DOCK3: variants seen among roughly 807,000 people sequenced by gnomAD.
DOCK3 encodes the protein dedicator of cytokinesis 3, also known as dedicator of cytokinesis protein 3.
DOCK3 carries 60 observed loss-of-function variants against 265.6 expected under a neutral mutation model. The ratio of observed to expected loss-of-function variants is 0.23; its 90% CI spans 0.18 to 0.28. The LOEUF (loss-of-function observed/expected upper bound fraction) is 0.28. Ranked by LOEUF, DOCK3 falls within the 10% of genes least tolerant of loss-of-function variation. DOCK3 has a pLI of 1.00. For synonymous variants in DOCK3, 881 were observed against 938.0 expected (o/e 0.94, Z 1.11); for missense variants, 1,981 against 2,594.3 (o/e 0.76, Z 5.14).
chr3:50,820,636 C>T (rs766312929), intron 2 of DOCK3, among the ~76,000 whole-genome samples: 2 of 152,076 alleles, frequency 1.3e-5, no homozygotes, highest in Non-Finnish European at 2.9e-5. Flanking sequence ...GATAAACATG[C>T]AAGTACGTGT....
chr3:51,354,431 G>A (rs1347764357), intron 40 of DOCK3, among the ~76,000 whole-genome samples: 1 of 152,148 alleles, frequency 6.6e-6, no homozygotes, highest in Non-Finnish European at 1.5e-5. Context: ...GCTTCTACCA[G>A]TTCTCTACAC....
chr3:51,293,772 C>G (rs572835918), intron 27 of DOCK3, among the ~76,000 whole-genome samples: 1 of 152,206 alleles, frequency 6.6e-6, no homozygotes, highest in Admixed American at 6.5e-5. Context: ...AACAAGACTA[C>G]AAATAACCCT....
chr3:50,909,727 T>C (rs1216098519), intron 4 of DOCK3, among the ~76,000 whole-genome samples: 1 of 148,980 alleles, frequency 6.7e-6, no homozygotes, highest in South Asian at 2.2e-4. Flanking sequence ...AGTATCTTAC[T>C]GAGGTTCTCT....
intron 5 of DOCK3, among the ~76,000 whole-genome samples, chr3:50,964,589 T>C (rs547675398): frequency 4.6e-5 from 7 of 152,114 alleles, no homozygotes; most frequent in Non-Finnish European, 1.0e-4. Context: ...CCAAAAGTGA[T>C]AAAATAAACC....
At chr3:50,950,703 C>G (rs1279816684) in intron 5 of DOCK3, among the ~76,000 whole-genome samples, 4 of 152,158 alleles carry the variant, frequency 2.6e-5, no homozygotes, top group South Asian at 2.1e-4. Flanking sequence ...TGCTGCCTAG[C>G]TTTTGCCTAA....
At chr3:51,117,013 G>C (rs2083771671) in intron 9 of DOCK3, among the ~76,000 whole-genome samples, 2 of 152,180 alleles carry the variant, frequency 1.3e-5, no homozygotes, top group Admixed American at 6.5e-5. Context: ...GATGGGAGTG[G>C]TGAGAGAGGG....
chr3:51,037,259 G>A (rs984667689), intron 5 of DOCK3, among the ~76,000 whole-genome samples: 1 of 152,046 alleles, frequency 6.6e-6, no homozygotes, highest in African/African-American at 2.4e-5. Context: ...GAAGTCTCCT[G>A]TGTTCCCCTT....
intron 49 of DOCK3, among the ~76,000 whole-genome samples, chr3:51,365,743 G>A (rs1322412757): frequency 2.2e-4 from 33 of 152,252 alleles, no homozygotes; most frequent in Non-Finnish European, 4.1e-4. Context: ...TATTGAGATA[G>A]TCATGTGGTT....
intron 1 of DOCK3, among the ~76,000 whole-genome samples, chr3:50,751,269 TTTAAC>T (rs71084109): frequency 0.093 from 14,149 of 151,914 alleles, 771 homozygotes; most frequent in Non-Finnish European, 0.12. Flanking sequence ...TTTTTTTTTT[TTTAAC>T]TTTAAGTTCT....
intron 9 of DOCK3, among the ~76,000 whole-genome samples, chr3:51,100,598 C>G (rs758761339): frequency 4.6e-5 from 7 of 152,102 alleles, no homozygotes; most frequent in Non-Finnish European, 1.0e-4. Flanking sequence ...TTTGACCCAC[C>G]ACAGGAGAAA....
At chr3:51,275,620 T>A (rs1378740960) in intron 25 of DOCK3, among the ~76,000 whole-genome samples, 2 of 152,118 alleles carry the variant, frequency 1.3e-5, no homozygotes, top group Non-Finnish European at 2.9e-5. Flanking sequence ...ACAGCTTGAT[T>A]CCACCCATAT....
chr3:50,790,578 T>A (rs1269441970), intron 2 of DOCK3, among the ~76,000 whole-genome samples: 1 of 151,962 alleles, frequency 6.6e-6, no homozygotes, highest in African/African-American at 2.4e-5. Flanking sequence ...TTTACGAAGC[T>A]TAGTTTTGCT....
chr3:51,034,140 A>G (rs1360328949), intron 5 of DOCK3, among the ~76,000 whole-genome samples: 2 of 152,138 alleles, frequency 1.3e-5, no homozygotes, highest in African/African-American at 4.8e-5. Context: ...TAGTTTTTTC[A>G]TAATATGCAT....
chr3:51,106,952 C>A (rs945865860), intron 9 of DOCK3, among the ~76,000 whole-genome samples: 1 of 152,246 alleles, frequency 6.6e-6, no homozygotes, highest in Admixed American at 6.5e-5. Flanking sequence ...GTTGGCACCA[C>A]CCAGCAGAGT....
chr3:50,812,858 C>T (rs1003869856), intron 2 of DOCK3, among the ~76,000 whole-genome samples: 1 of 152,236 alleles, frequency 6.6e-6, no homozygotes, highest in Non-Finnish European at 1.5e-5. Context: ...CAGGCCCCAA[C>T]TCAGGTATTA....
intron 42 of DOCK3, 43 bp from the exon 43 acceptor site, chr3:51,356,364 A>T: frequency 6.2e-7 from 1 of 1,613,046 alleles, no homozygotes; most frequent in Non-Finnish European, 8.5e-7. Context: ...GGGTGTGGCA[A>T]AACTTGCCTA....
At chr3:50,849,868 G>A (rs1179366186) in intron 3 of DOCK3, among the ~76,000 whole-genome samples, 1 of 152,026 alleles carries the variant, frequency 6.6e-6, no homozygotes, top group African/African-American at 2.4e-5. Context: ...GGGATCACTC[G>A]AGCATAGGAC....
chr3:51,321,415 T>A (rs2083719669), intron 32 of DOCK3, among the ~76,000 whole-genome samples: 1 of 152,108 alleles, frequency 6.6e-6, no homozygotes, highest in African/African-American at 2.4e-5. Context: ...CCAGAATGCC[T>A]CTTCTCCTCC....
chr3:51,065,015 G>A (rs758803065), intron 6 of DOCK3, among the ~76,000 whole-genome samples: 168 of 152,228 alleles, frequency 1.1e-3, no homozygotes, highest in Middle Eastern at 6.8e-3. Context: ...CCTACAAATG[G>A]AAACTGTCTA....
Sources: allele counts gnomAD v4.1 joint callset (sites outside exome capture counted in the v4.1 genomes callset), GRCh38; gene constraint gnomAD v4.1.1; transcripts MANE v1.5; gene names NCBI Gene and HGNC (gene_info 2026-07-23, HGNC 2026-07-21).